KIAA1958: variants seen among roughly 807,000 people sequenced by gnomAD.
KIAA1958 encodes uncharacterized protein KIAA1958.
In KIAA1958, 14 loss-of-function variants were observed where a neutral mutation model predicts 47.2. The ratio of observed to expected loss-of-function variants is 0.30; its 90% CI spans 0.20 to 0.46. The LOEUF is 0.46. Ranked by LOEUF, KIAA1958 falls within the 20% of genes least tolerant of loss-of-function variation. The probability of loss-of-function intolerance (pLI) is 1.00; values close to 1 mark genes in which losing one functional copy is unlikely to be tolerated. For synonymous variants in KIAA1958, 354 were observed against 353.3 expected (o/e 1.00, Z -0.02); for missense variants, 803 against 909.2 (o/e 0.88, Z 1.50).
chr9:112,658,823 A>G (rs575079069), intron 3 of KIAA1958, among the ~76,000 whole-genome samples: 48 of 148,678 alleles, frequency 3.2e-4, no homozygotes, highest in African/African-American at 1.2e-3. Context: ...GATCGAGACC[A>G]TCCTGGCTAA....
intron 2 of KIAA1958, among the ~76,000 whole-genome samples, chr9:112,624,160 A>G (rs1836561939): frequency 6.6e-6 from 1 of 152,226 alleles, no homozygotes; most frequent in African/African-American, 2.4e-5. Flanking sequence ...TTCATTAAAA[A>G]ATAGTTACAA....
At chr9:112,562,883 C>A (rs1236260177) in intron 1 of KIAA1958, among the ~76,000 whole-genome samples, 1 of 147,588 alleles carries the variant, frequency 6.8e-6, no homozygotes, top group Non-Finnish European at 1.5e-5. Flanking sequence ...CTAGGCTGTT[C>A]TCAAACTCCT....
Position 112,541,036 on chromosome 9 carries a change from A to G in KIAA1958, c.-24-33021A>G, listed in dbSNP as rs113516784. On this transcript the variant is annotated intron_variant, in intron 1 of 3. Coordinates refer to ENST00000337530, the MANE Select transcript of KIAA1958 (RefSeq NM_133465.4). Reference sequence around the variant, plus strand: ...AGCCTGGCCTGGAGTTTCATAATCTATGTTTATTAATTTTGATGTGGTTTC... The same window carrying G: ...AGCCTGGCCTGGAGTTTCATAATCTGTGTTTATTAATTTTGATGTGGTTTC... Among the ~76,000 whole-genome samples, 1,079 of 151,968 alleles carry G rather than the reference A, an allele frequency of 7.1e-3. 2 individuals carry two copies. Among genetic ancestry groups the G allele is most frequent in the Admixed American group, 0.013 (202 of 15,256 alleles).
chr9:112,658,697 C>T (rs890777747), intron 3 of KIAA1958, among the ~76,000 whole-genome samples: 7 of 151,808 alleles, frequency 4.6e-5, no homozygotes, highest in African/African-American at 1.7e-4. Context: ...TGGTGGCTGA[C>T]GCCTGTAATC....
chr9:112,539,942 C>A (rs375051605), intron 1 of KIAA1958, among the ~76,000 whole-genome samples: 1 of 152,160 alleles, frequency 6.6e-6, no homozygotes, highest in African/African-American at 2.4e-5. Context: ...TCACCTGCCT[C>A]AGCTTCCCAA....
chr9:112,649,809 G>A (rs907803637), intron 3 of KIAA1958, among the ~76,000 whole-genome samples: 1 of 152,004 alleles, frequency 6.6e-6, no homozygotes, highest in Non-Finnish European at 1.5e-5. Context: ...CAAAAATGAA[G>A]GAATTTATCA....
At chr9:112,547,021 C>G (rs1164339856) in intron 1 of KIAA1958, among the ~76,000 whole-genome samples, 1 of 14,472 alleles carries the variant, frequency 6.9e-5, no homozygotes, top group Non-Finnish European at 1.2e-4. Context: ...CAACCTACGC[C>G]TCCTGGGTTC....
At chr9:112,659,139 C>G (rs1837213102) in intron 3 of KIAA1958, 124 bp from the exon 4 acceptor site, 1 of 755,214 alleles carries the variant, frequency 1.3e-6, no homozygotes, top group Non-Finnish European at 2.2e-6. Flanking sequence ...ACTGTTCTTT[C>G]CATTGTGTCC....
rs557190137 is a variant in KIAA1958, at chr9:112,619,050, T to G, written c.1172-26600T>G. 2.5e-5 allele frequency: 24 copies of G among 942,090 alleles called. No individual in the cohort carries two copies. The African/African-American group carries it at 3.3e-4, about 13-fold the overall frequency. The allele number at this position is 942,090 out of a possible 1,614,324, so 58.4% of individuals were successfully genotyped here. Reference sequence around the variant, plus strand: ...AAAAATATAAATATATAATATATTTTTCTTTTTACAAATAAGCCAATGGAG... The same window carrying G: ...AAAAATATAAATATATAATATATTTGTCTTTTTACAAATAAGCCAATGGAG... On this transcript the variant is annotated intron_variant, in intron 2 of 3. Transcript: ENST00000337530.
intron 2 of KIAA1958, among the ~76,000 whole-genome samples, chr9:112,595,453 G>A (rs773338969): frequency 8.5e-5 from 13 of 152,162 alleles, no homozygotes; most frequent in Non-Finnish European, 1.2e-4. Flanking sequence ...CTGAGGTCAG[G>A]AGTTCGAGAC....
At chr9:112,594,977 C>G (rs2131193985) in intron 2 of KIAA1958, among the ~76,000 whole-genome samples, 1 of 152,220 alleles carries the variant, frequency 6.6e-6, no homozygotes, top group East Asian at 1.9e-4. Flanking sequence ...CTCTAACAAT[C>G]TTGAGCATCT....
rs1837214651 is a variant in KIAA1958, at chr9:112,659,246, T to C, written c.1345-17T>C. The C allele has an allele frequency of 6.3e-7, 1 of 1,599,286 alleles. No homozygotes were observed. Among genetic ancestry groups the C allele is most frequent in the Non-Finnish European group, 8.5e-7 (1 of 1,171,674 alleles). On this transcript the variant is annotated splice_polypyrimidine_tract_variant and intron_variant, in intron 3 of 3. Transcript: ENST00000337530. ...GTGAGTGTCAAGTGTGTAACCTCCGTGTTTGTCTCATTTGAGATCCCTGCA... is the reference window on the plus strand; with the variant it reads ...GTGAGTGTCAAGTGTGTAACCTCCGCGTTTGTCTCATTTGAGATCCCTGCA...
Position 112,563,248 on chromosome 9 carries a change from T to G in KIAA1958, c.-24-10809T>G, listed in dbSNP as rs542539168. ...ATTTTCTTATCTCTATAATAAAGTC[T>G]GAAGTCTTTAACGTGACTTGCAAGA... On this transcript the variant is annotated intron_variant, in intron 1 of 3. Transcript: ENST00000337530. Among the ~76,000 whole-genome samples, 36 of 152,174 alleles carry G rather than the reference T, an allele frequency of 2.4e-4. No individual in the cohort carries two copies. The East Asian group carries it at 6.8e-3, about 29-fold the overall frequency.
intron 2 of KIAA1958, among the ~76,000 whole-genome samples, chr9:112,593,451 G>A (rs1309770226): frequency 1.3e-5 from 2 of 152,204 alleles, no homozygotes; most frequent in East Asian, 1.9e-4. Flanking sequence ...CCTTTTAGGG[G>A]GGCTTAGATT....
intron 2 of KIAA1958, among the ~76,000 whole-genome samples, chr9:112,581,360 T>C (rs1835731657): frequency 6.6e-6 from 1 of 152,214 alleles, no homozygotes; most frequent in Non-Finnish European, 1.5e-5. Flanking sequence ...TAGATTGTGC[T>C]CAATACTCTG....
rs16917173 is a variant in KIAA1958 at position 112,645,470 on chromosome 9, A to G, written c.1172-180A>G. Among the ~76,000 whole-genome samples, 944 of 152,308 alleles carry G rather than the reference A, an allele frequency of 6.2e-3. 8 individuals carry two copies. The highest frequency in any genetic ancestry group is 9.5e-3 in the Non-Finnish European group (646 of 68,028). ...ACTGCATTGATTCCATGCTATAAGT[A>G]TTGTTCCCTACTTATTCTAATATAT... On this transcript the variant is annotated intron_variant, in intron 2 of 3. Coordinates refer to ENST00000337530, the MANE Select transcript of KIAA1958 (RefSeq NM_133465.4).
intron 1 of KIAA1958, among the ~76,000 whole-genome samples, chr9:112,524,641 A>G (rs1338769446): frequency 6.6e-6 from 1 of 152,164 alleles, no homozygotes; most frequent in East Asian, 1.9e-4. Flanking sequence ...TTCTGTAGTG[A>G]TGGGAATGTT....
At chr9:112,522,421 T>C (rs1399140384) in intron 1 of KIAA1958, among the ~76,000 whole-genome samples, 4 of 152,212 alleles carry the variant, frequency 2.6e-5, no homozygotes, top group Admixed American at 2.0e-4. Context: ...CTGTTTAATA[T>C]CTCTTCCACC....
intron 1 of KIAA1958, among the ~76,000 whole-genome samples, chr9:112,498,187 T>A (rs1224161253): frequency 6.6e-6 from 1 of 152,186 alleles, no homozygotes; most frequent in Non-Finnish European, 1.5e-5. Context: ...AGTTCTACAT[T>A]AGTGAATTTA....
Sources: allele counts gnomAD v4.1 joint callset (sites outside exome capture counted in the v4.1 genomes callset), GRCh38; gene constraint gnomAD v4.1.1; transcripts MANE v1.5; gene names NCBI Gene and HGNC (gene_info 2026-07-23, HGNC 2026-07-21).